Variants in LPGAT1 observed in about 807,000 individuals in gnomAD.
LPGAT1 encodes acyl-CoA:lysophosphatidylglycerol acyltransferase 1.
Under a neutral mutation model 47.5 loss-of-function variants are expected in LPGAT1, and 11 were observed. That is an observed-to-expected ratio of 0.23 (90% CI 0.15 to 0.38). The LOEUF (loss-of-function observed/expected upper bound fraction) is 0.38, where lower values mean the gene tolerates loss of function less well. LPGAT1 is among the 10% of genes least tolerant of loss of function. The pLI, the probability that LPGAT1 is intolerant of heterozygous loss-of-function variation, is 1.00. For synonymous variants in LPGAT1, 138 were observed against 144.2 expected, an observed-to-expected ratio of 0.96 and a Z score of 0.31; for missense variants, 293 against 439.0, an observed-to-expected ratio of 0.67 and a Z score of 2.97.
chr1:211,759,280 T>C (rs1657589943), intron 6 of LPGAT1, among the ~76,000 whole-genome samples: 1 of 150,876 alleles, frequency 6.6e-6, no homozygotes, highest in Non-Finnish European at 1.5e-5. Context: ...TTGGTTTTTT[T>C]AGAGACGGGG....
intron 6 of LPGAT1, among the ~76,000 whole-genome samples, chr1:211,776,011 T>C (rs1442630563): frequency 6.6e-6 from 1 of 151,982 alleles, no homozygotes; most frequent in Non-Finnish European, 1.5e-5. Flanking sequence ...ATAACTGCCT[T>C]TTAAGTGGTA....
intron 2 of LPGAT1, among the ~76,000 whole-genome samples, chr1:211,827,262 A>C (rs1354448210): frequency 6.6e-6 from 1 of 152,226 alleles, no homozygotes; most frequent in Non-Finnish European, 1.5e-5. Flanking sequence ...AGATCATGCC[A>C]AGACCACATT....
intron 5 of LPGAT1, 60 bp downstream of exon 5, chr1:211,783,168 TC>T: frequency 7.1e-7 from 1 of 1,406,454 alleles, no homozygotes; most frequent in South Asian, 1.4e-5. Flanking sequence ...ATGATCATCT[TC>T]TGTAACTCCA....
At chr1:211,829,809 T>C in intron 1 of LPGAT1, 20 of 986,952 alleles carry the variant, frequency 2.0e-5, no homozygotes, top group Non-Finnish European at 2.4e-5. Context: ...AAAAGGTCTC[T>C]GGCTCTAGCG....
rs991760288 is a variant in LPGAT1, at chr1:211,795,358, TTTTG to T, written c.239-2172_239-2169del. Among the ~76,000 whole-genome samples the T allele has an allele frequency of 2.4e-4, 37 of 152,208 alleles. No homozygotes were observed. In the East Asian group the frequency reaches 3.9e-3, roughly 16 times the overall value. On this transcript the variant is annotated intron_variant, in intron 2 of 7. Coordinates refer to ENST00000366997, the MANE Select transcript of LPGAT1 (RefSeq NM_014873.3). ...GATGATGGATGCCACTAGTTGTGTT[TTTTG>T]TTTGTTTGGTTTTTTTGTTTTTGAG... is the stretch of plus-strand genomic sequence containing the variant.
chr1:211,779,130 G>T, intron 5 of LPGAT1, 86 bp from the exon 6 acceptor site: 1 of 1,091,190 alleles, frequency 9.2e-7, no homozygotes, highest in Non-Finnish European at 1.3e-6. Flanking sequence ...ACCAGTGTAA[G>T]ATATATCACT....
Position 211,830,209 on chromosome 1 carries a change from TGCGGAGAGCGGGG to T in LPGAT1, c.-28+351_-28+363del. ...TCGGCGGGCGCGGACGGCGGGCGGC[TGCGGAGAGCGGGG>T]GCGGGTGTCCCCCGCCGAGGGGTCG... On this transcript the variant is annotated intron_variant, in intron 1 of 7. Coordinates refer to ENST00000366997, the MANE Select transcript of LPGAT1 (RefSeq NM_014873.3). The surrounding 1 kb of genome is among the most constrained non-coding windows in gnomAD (Gnocchi z 5.9). 1.0e-6 allele frequency: 1 copy of T among 982,848 alleles called. No individual in the cohort carries two copies. Among genetic ancestry groups the T allele is most frequent in the South Asian group, 4.7e-5 (1 of 21,438 alleles). The allele number at this position is 982,848 out of a possible 1,614,324, so 60.9% of individuals were successfully genotyped here. A position where few individuals can be genotyped will look rare whatever the true frequency, so the allele number is the denominator to read the frequency against.
rs1177579578 is a variant in LPGAT1 at position 211,749,790 on chromosome 1, T to G, written c.*109A>C. ...ATAAATATTAATCCATCCATTGAAT[T>G]TCTTTTGCTTTTTTTTAAATATATT... On this transcript the variant is annotated 3_prime_UTR_variant, in exon 8 of 8. Transcript: ENST00000366997. The G allele has an allele frequency of 8.9e-7, 1 of 1,120,202 alleles. No homozygotes were observed. The highest frequency in any genetic ancestry group is 2.4e-5 in the East Asian group (1 of 42,422). The allele number at this position is 1,120,202 out of a possible 1,614,324, so 69.4% of individuals were successfully genotyped here.
At chr1:211,791,164 GA>G (rs1394988823) in intron 3 of LPGAT1, among the ~76,000 whole-genome samples, 7 of 152,064 alleles carry the variant, frequency 4.6e-5, no homozygotes, top group Non-Finnish European at 8.8e-5. Flanking sequence ...AGATAGACAA[GA>G]AAAACAGATT....
chr1:211,753,293 A>G (rs972427695), intron 6 of LPGAT1, among the ~76,000 whole-genome samples: 2 of 152,198 alleles, frequency 1.3e-5, no homozygotes, highest in African/African-American at 4.8e-5. Context: ...AGGTCTGCCA[A>G]TGTCTTTTTT....
intron 2 of LPGAT1, among the ~76,000 whole-genome samples, chr1:211,820,832 A>G (rs577009192): frequency 2.0e-5 from 3 of 152,316 alleles, no homozygotes; most frequent in African/African-American, 7.2e-5. Context: ...ATACGTTTGA[A>G]TCTAAATATT....
rs949218941 is a variant in LPGAT1, at chr1:211,793,208, T to C, written c.239-18A>G. ...TTCCATCACTGTAAGAACAAAAAAG[T>C]TTCAAAGCTGTCATTTTAAAGATTT... On this transcript the variant is annotated intron_variant, in intron 2 of 7. Coordinates refer to ENST00000366997, the MANE Select transcript of LPGAT1 (RefSeq NM_014873.3). The C allele has an allele frequency of 6.5e-7, 1 of 1,531,432 alleles. No homozygotes were observed. The highest frequency in any genetic ancestry group is 9.0e-7 in the Non-Finnish European group (1 of 1,112,418). 94.9% of individuals were successfully genotyped at this position (1,531,432 alleles called of 1,614,324 possible).
chr1:211,793,631 C>T (rs1029461265), intron 2 of LPGAT1, among the ~76,000 whole-genome samples: 2 of 152,072 alleles, frequency 1.3e-5, no homozygotes, highest in African/African-American at 4.8e-5. Context: ...TGGGGTTTCA[C>T]CATATTGGCC....
intron 2 of LPGAT1, among the ~76,000 whole-genome samples, chr1:211,816,346 C>T (rs981828204): frequency 2.6e-5 from 4 of 152,204 alleles, no homozygotes; most frequent in African/African-American, 4.8e-5. Flanking sequence ...TGCCACTGTA[C>T]TCCCAGCCAC....
intron 6 of LPGAT1, among the ~76,000 whole-genome samples, chr1:211,766,166 C>T (rs1034917578): frequency 1.3e-5 from 2 of 152,082 alleles, no homozygotes; most frequent in South Asian, 4.2e-4. Context: ...CATCAGCTCC[C>T]CAGTTCTTCG....
At chr1:211,808,780 T>G (rs1377710262) in intron 2 of LPGAT1, among the ~76,000 whole-genome samples, 1 of 152,198 alleles carries the variant, frequency 6.6e-6, no homozygotes, top group Non-Finnish European at 1.5e-5. Context: ...AGTAAATATC[T>G]TTTTTCCTCC....
chr1:211,778,859 C>A, intron 6 of LPGAT1, 59 bp downstream of exon 6: 1 of 1,313,030 alleles, frequency 7.6e-7, no homozygotes, highest in Non-Finnish European at 1.0e-6. Context: ...TTAAGACATT[C>A]ATACTATTCT....
chr1:211,776,673 A>G (rs1189382284), intron 6 of LPGAT1, among the ~76,000 whole-genome samples: 1 of 151,844 alleles, frequency 6.6e-6, no homozygotes, highest in Non-Finnish European at 1.5e-5. Flanking sequence ...TCCTTTCTAC[A>G]TCATGTGAAA....
rs1257075953 is a variant in LPGAT1, at chr1:211,748,727, G to A, written c.*1172C>T. 1.3e-5 allele frequency: 2 copies of A among 152,946 alleles called. No homozygotes were observed. The highest frequency in any genetic ancestry group is 2.9e-5 in the Non-Finnish European group (2 of 68,398). The allele number at this position is 152,946 out of a possible 1,614,324, so 9.5% of individuals were successfully genotyped here. On this transcript the variant is annotated 3_prime_UTR_variant, in exon 8 of 8. Transcript: ENST00000366997. ...AAAAGCAACTGGAAGAGATTGGGGGGAGCCTTATGTGCTGGTATCGTTCCT... is the reference window on the plus strand; with the variant it reads ...AAAAGCAACTGGAAGAGATTGGGGGAAGCCTTATGTGCTGGTATCGTTCCT...
Sources: allele counts gnomAD v4.1 joint callset (sites outside exome capture counted in the v4.1 genomes callset), GRCh38; gene constraint gnomAD v4.1.1; non-coding constraint Gnocchi (gnomAD v3.1); transcripts MANE v1.5; gene names NCBI Gene and HGNC (gene_info 2026-07-23, HGNC 2026-07-21).